The following GRM8 variants were observed in gnomAD, a reference collection of about 807,000 sequenced individuals.
The protein encoded by GRM8 is metabotropic glutamate receptor 8.
Under a neutral mutation model 87.2 loss-of-function variants are expected in GRM8, and 47 were observed. That is an observed-to-expected ratio of 0.54 (90% CI 0.43 to 0.69). The LOEUF is 0.69. Among genes scored for constraint, GRM8 ranks in the 30% least tolerant of loss-of-function variants. The pLI is 0.00. For missense variants in GRM8, 1,019 were observed against 1,139.2 expected, an observed-to-expected ratio of 0.89 and a Z score of 1.52; for synonymous variants, 396 against 404.5, an observed-to-expected ratio of 0.98 and a Z score of 0.25.
At chr7:126,741,592 A>C (rs1294440765) in intron 7 of GRM8, among the ~76,000 whole-genome samples, 2 of 152,148 alleles carry the variant, frequency 1.3e-5, no homozygotes, top group African/African-American at 4.8e-5. Flanking sequence ...AGACCGGTCT[A>C]ACACGAGCTG....
rs75861320 is a variant in GRM8, at chr7:126,679,122, A to G, written c.1358-69624T>C. ...AAGACTGTAGGCCATCTTCCAGGGT[A>G]TGTGCTAGAACTACAGTTTAAAAGA... On this transcript the variant is annotated intron_variant, in intron 7 of 10. Coordinates refer to ENST00000339582, the MANE Select transcript of GRM8 (RefSeq NM_000845.3). Among the ~76,000 whole-genome samples the G allele has an allele frequency of 5.3e-5, 8 of 152,228 alleles. No homozygotes were observed. The East Asian group carries it at 1.5e-3, about 29-fold the overall frequency.
chr7:126,764,617 G>T (rs1254395664), intron 7 of GRM8, among the ~76,000 whole-genome samples: 1 of 152,052 alleles, frequency 6.6e-6, no homozygotes, highest in Non-Finnish European at 1.5e-5. Flanking sequence ...AGAAGATGCT[G>T]ATAACTTCTA....
chr7:127,208,037 A>G (rs1312510348), intron 2 of GRM8, among the ~76,000 whole-genome samples: 1 of 152,178 alleles, frequency 6.6e-6, no homozygotes, highest in Non-Finnish European at 1.5e-5. Flanking sequence ...TCCACAAGCC[A>G]TACCCACATT....
chr7:127,139,995 G>A (rs933751469), intron 2 of GRM8, among the ~76,000 whole-genome samples: 6 of 152,038 alleles, frequency 3.9e-5, no homozygotes, highest in Non-Finnish European at 8.8e-5. Context: ...TGCTGGCTGG[G>A]TTGCTCTGCA....
At chr7:127,209,874 G>A (rs894478688) in intron 2 of GRM8, among the ~76,000 whole-genome samples, 2 of 152,078 alleles carry the variant, frequency 1.3e-5, no homozygotes, top group Non-Finnish European at 2.9e-5. Context: ...CAACAAATCA[G>A]ACAACCCCTA....
At chr7:126,770,166 C>T (rs1585862668) in intron 6 of GRM8, 101 bp from the exon 7 acceptor site, 2 of 733,324 alleles carry the variant, frequency 2.7e-6, no homozygotes, top group East Asian at 5.4e-5. Flanking sequence ...CTTAATGAGA[C>T]ACGACTATTT....
chr7:126,907,646 G>A (rs533103604), intron 3 of GRM8, among the ~76,000 whole-genome samples: 2 of 152,222 alleles, frequency 1.3e-5, no homozygotes, highest in African/African-American at 4.8e-5. Context: ...ATAATTAAAT[G>A]CTTAACTTTC....
intron 8 of GRM8, among the ~76,000 whole-genome samples, chr7:126,558,323 T>C (rs1004628010): frequency 6.6e-6 from 1 of 152,300 alleles, no homozygotes; most frequent in Non-Finnish European, 1.5e-5. Flanking sequence ...AATTGTACAA[T>C]TGAAGAAAAT....
chr7:126,848,962 C>T (rs1796957574), intron 6 of GRM8, among the ~76,000 whole-genome samples: 1 of 152,134 alleles, frequency 6.6e-6, no homozygotes, highest in Non-Finnish European at 1.5e-5. Flanking sequence ...TAAGTCACAT[C>T]TTACATAGAT....
At chr7:126,849,521 T>A (rs1563247177) in intron 6 of GRM8, among the ~76,000 whole-genome samples, 1 of 152,212 alleles carries the variant, frequency 6.6e-6, no homozygotes, top group Non-Finnish European at 1.5e-5. Flanking sequence ...GGAAAATGAA[T>A]TAATGTTTGC....
chr7:126,818,037 C>A (rs1167017711), intron 6 of GRM8, among the ~76,000 whole-genome samples: 1 of 152,044 alleles, frequency 6.6e-6, no homozygotes, highest in Admixed American at 6.6e-5. Flanking sequence ...AAGTCTTAAA[C>A]TTCTTTGACT....
At chr7:126,810,421 T>C (rs1469891724) in intron 6 of GRM8, among the ~76,000 whole-genome samples, 3 of 152,154 alleles carry the variant, frequency 2.0e-5, no homozygotes, top group African/African-American at 7.2e-5. Context: ...CTGCTTACTA[T>C]AACTGCACCC....
intron 9 of GRM8, among the ~76,000 whole-genome samples, chr7:126,477,329 G>A (rs989230317): frequency 2.0e-5 from 3 of 151,938 alleles, no homozygotes; most frequent in Non-Finnish European, 4.4e-5. Context: ...GCAGCATGGT[G>A]ACTGTTTTGT....
chr7:127,086,418 T>C (rs1383017602), intron 3 of GRM8, among the ~76,000 whole-genome samples: 1 of 152,136 alleles, frequency 6.6e-6, no homozygotes, highest in Non-Finnish European at 1.5e-5. Flanking sequence ...TTTTAAACAA[T>C]TCAGAAAGCT....
intron 7 of GRM8, among the ~76,000 whole-genome samples, chr7:126,627,064 A>G (rs1424927529): frequency 6.6e-6 from 1 of 152,178 alleles, no homozygotes; most frequent in East Asian, 1.9e-4. Flanking sequence ...TTCTTTTCAT[A>G]GCACCTAACC....
intron 7 of GRM8, among the ~76,000 whole-genome samples, chr7:126,763,940 T>C (rs1817908858): frequency 6.6e-6 from 1 of 151,622 alleles, no homozygotes. Flanking sequence ...AGTAAAGTTG[T>C]CTTCAAACAG....
At chr7:127,044,704 A>G (rs1818766317) in intron 3 of GRM8, among the ~76,000 whole-genome samples, 1 of 152,172 alleles carries the variant, frequency 6.6e-6, no homozygotes, top group Non-Finnish European at 1.5e-5. Context: ...TGAGGGCAAT[A>G]TAATGATTTT....
chr7:126,648,303 CCTAT>C lies in GRM8; in HGVS notation c.1358-38809_1358-38806del, dbSNP rs201007081. ...TTTAATGTGATTATTATCTATCCTC[CCTAT>C]CTGTCTGATTTTCATTAAAATTGTC... On this transcript the variant is annotated intron_variant, in intron 7 of 10. Transcript: ENST00000339582. Among the ~76,000 whole-genome samples the C allele has an allele frequency of 2.1e-3, 320 of 152,198 alleles. 1 individual carries two copies. Among genetic ancestry groups the C allele is most frequent in the African/African-American group, 6.2e-3 (257 of 41,528 alleles).
chr7:127,238,306 A>ATATG (rs368979939), intron 2 of GRM8, among the ~76,000 whole-genome samples: 1 of 146,766 alleles, frequency 6.8e-6, no homozygotes, highest in Non-Finnish European at 1.5e-5. Flanking sequence ...GTGTGTGTGC[A>ATATG]TGTGTGTGTG....
Sources: allele counts gnomAD v4.1 joint callset (sites outside exome capture counted in the v4.1 genomes callset), GRCh38; gene constraint gnomAD v4.1.1; transcripts MANE v1.5; gene names NCBI Gene and HGNC (gene_info 2026-07-23, HGNC 2026-07-21).